CNTN3: variants seen among roughly 807,000 people sequenced by gnomAD.
CNTN3 encodes contactin 3, also known as contactin-3.
CNTN3 carries 60 observed loss-of-function variants against 119.1 expected under a neutral mutation model. That is an observed-to-expected ratio of 0.50 (90% CI 0.41 to 0.62). CNTN3 has a LOEUF of 0.62. CNTN3 is among the 20% of genes least tolerant of loss of function. The pLI is 0.00. For synonymous variants in CNTN3, 450 were observed against 438.7 expected, an observed-to-expected ratio of 1.03 and a Z score of -0.32; for missense variants, 1,101 against 1,242.4, an observed-to-expected ratio of 0.89 and a Z score of 1.71.
chr3:74,450,460 A>C lies in CNTN3; in HGVS notation c.359-25520T>G, dbSNP rs1040172758. Among the ~76,000 whole-genome samples the C allele has an allele frequency of 2.8e-4, 42 of 151,386 alleles. 3 individuals are homozygous for C. Among genetic ancestry groups the C allele is most frequent in the Admixed American group, 2.2e-3 (33 of 15,184 alleles). On this transcript the variant is annotated intron_variant, in intron 4 of 22. Coordinates refer to ENST00000263665, the MANE Select transcript of CNTN3 (RefSeq NM_020872.3). ...TTACAAAAGAAAAAGGCTGCAAACA[A>C]CCTAAATGATTCTTGAAAGAATATG...
At chr3:74,270,852 G>A (rs1701759927) in intron 20 of CNTN3, among the ~76,000 whole-genome samples, 1 of 152,062 alleles carries the variant, frequency 6.6e-6, no homozygotes, top group African/African-American at 2.4e-5. Context: ...AACCTCTACT[G>A]TTGGCAGAAT....
chr3:74,537,803 T>C (rs1004117496), intron 1 of CNTN3, among the ~76,000 whole-genome samples: 1 of 152,040 alleles, frequency 6.6e-6, no homozygotes, highest in African/African-American at 2.4e-5. Context: ...AAAACCAATA[T>C]TTCCCAGAGA....
intron 1 of CNTN3, among the ~76,000 whole-genome samples, chr3:74,592,786 A>C (rs1027015371): frequency 1.3e-5 from 2 of 151,934 alleles, no homozygotes; most frequent in African/African-American, 4.8e-5. Context: ...CCTTAAACAA[A>C]ACTTTACATT....
At chr3:74,563,019 C>A (rs1441366388) in intron 1 of CNTN3, among the ~76,000 whole-genome samples, 2 of 152,062 alleles carry the variant, frequency 1.3e-5, no homozygotes, top group Admixed American at 1.3e-4. Context: ...AATTAGATTG[C>A]CTGATTAGCT....
intron 13 of CNTN3, among the ~76,000 whole-genome samples, chr3:74,310,045 T>C (rs1702646612): frequency 6.6e-6 from 1 of 152,212 alleles, no homozygotes; most frequent in Non-Finnish European, 1.5e-5. Context: ...TTGATTGATG[T>C]GACAATTCTT....
chr3:74,394,449 T>C (rs1001286306), intron 5 of CNTN3, among the ~76,000 whole-genome samples: 10 of 152,176 alleles, frequency 6.6e-5, no homozygotes, highest in African/African-American at 2.4e-4. Context: ...AGATCTATCA[T>C]TCCAGTGACA....
chr3:74,282,076 G>A (rs945647529), intron 20 of CNTN3, among the ~76,000 whole-genome samples: 3 of 152,146 alleles, frequency 2.0e-5, no homozygotes, highest in Non-Finnish European at 2.9e-5. Flanking sequence ...TCAGTCCCTT[G>A]AGATGAAAGA....
chr3:74,267,423 G>A (rs757741812), intron 20 of CNTN3, 45 bp from the exon 21 acceptor site: 1 of 1,369,774 alleles, frequency 7.3e-7, no homozygotes, highest in Non-Finnish European at 1.0e-6. Flanking sequence ...CGAAGTACAA[G>A]TGATATTTTA....
At chr3:74,438,977 C>A (rs1272885357) in intron 4 of CNTN3, among the ~76,000 whole-genome samples, 2 of 152,158 alleles carry the variant, frequency 1.3e-5, no homozygotes, top group East Asian at 3.9e-4. Context: ...CACCCTGCAA[C>A]AACTTAGTTC....
At position 74,336,563 on chromosome 3, in the gene CNTN3, T is replaced by C. The variant is rs762201252; in HGVS notation, c.1460A>G (p.Lys487Arg). The C allele has an allele frequency of 1.2e-6, 2 of 1,612,964 alleles. No homozygotes were observed. Among genetic ancestry groups the C allele is most frequent in the Non-Finnish European group, 1.7e-6 (2 of 1,179,160 alleles). ...AACCAAATGTGTTGTGCCATTTGCT[T>C]TCCCAAACTGGTTTTCTGCCATGCA... ...YTCMAENQFG[K>R]ANGTTHLVVT... Residue 487 changes from lysine to arginine, a missense_variant, in exon 12 of 23, where the codon AAA becomes AGA. Coordinates refer to ENST00000263665, the MANE Select transcript of CNTN3 (RefSeq NM_020872.3).
At chr3:74,592,668 T>TA (rs1278242994) in intron 1 of CNTN3, among the ~76,000 whole-genome samples, 1 of 151,962 alleles carries the variant, frequency 6.6e-6, no homozygotes, top group African/African-American at 2.4e-5. Flanking sequence ...AAAATCTTGA[T>TA]AGAAATTTCC....
chr3:74,272,839 G>A (rs1328942661), intron 20 of CNTN3, among the ~76,000 whole-genome samples: 1 of 152,106 alleles, frequency 6.6e-6, no homozygotes, highest in African/African-American at 2.4e-5. Flanking sequence ...TTAAAAAGGA[G>A]GGTGGTCTAT....
At chr3:74,571,846 C>T (rs4677417) in intron 1 of CNTN3, among the ~76,000 whole-genome samples, 122,309 of 152,166 alleles carry the variant, frequency 0.8, 49,293 homozygotes, top group African/African-American at 0.85. Flanking sequence ...CTTTTCTTGT[C>T]CAACTACTGG....
intron 12 of CNTN3, among the ~76,000 whole-genome samples, chr3:74,335,178 A>G (rs1184719568): frequency 5.3e-5 from 8 of 152,184 alleles, no homozygotes; most frequent in Admixed American, 5.2e-4. Flanking sequence ...AGTCGTGTAA[A>G]CAACAGTTAT....
intron 1 of CNTN3, among the ~76,000 whole-genome samples, chr3:74,588,943 A>G (rs1156870440): frequency 6.6e-6 from 1 of 152,190 alleles, no homozygotes; most frequent in Admixed American, 6.5e-5. Flanking sequence ...TACACCTTAT[A>G]CAAAAACTAA....
intron 5 of CNTN3, 98 bp downstream of exon 5, chr3:74,424,747 T>G: frequency 2.0e-6 from 2 of 980,522 alleles, no homozygotes; most frequent in Non-Finnish European, 3.2e-6. Context: ...GTTATCAAGT[T>G]TCTCAGAGTA....
At chr3:74,365,761 A>G in intron 8 of CNTN3, 59 bp from the exon 9 acceptor site, 2 of 1,540,232 alleles carry the variant, frequency 1.3e-6, no homozygotes, top group African/African-American at 2.8e-5. Flanking sequence ...AATAAAATGT[A>G]TTTATTATTT....
At chr3:74,270,948 G>A (rs974644856) in intron 20 of CNTN3, among the ~76,000 whole-genome samples, 1 of 152,094 alleles carries the variant, frequency 6.6e-6, no homozygotes, top group African/African-American at 2.4e-5. Flanking sequence ...TAATTGACAG[G>A]ATACACATAA....
At chr3:74,334,591 A>C in intron 13 of CNTN3, 144 bp downstream of exon 13, 1 of 617,730 alleles carries the variant, frequency 1.6e-6, no homozygotes. Flanking sequence ...AAATTAGATC[A>C]AAACAGAACT....
Sources: allele counts gnomAD v4.1 joint callset (sites outside exome capture counted in the v4.1 genomes callset), GRCh38; gene constraint gnomAD v4.1.1; transcripts MANE v1.5; gene names NCBI Gene and HGNC (gene_info 2026-07-23, HGNC 2026-07-21).